The following ING3 variants were observed in gnomAD, a reference collection of about 807,000 sequenced individuals.
The protein encoded by ING3 is inhibitor of growth family member 3.
Under a neutral mutation model 64.8 loss-of-function variants are expected in ING3, and 6 were observed. That is an observed-to-expected ratio of 0.09 (90% CI 0.05 to 0.18). The LOEUF is 0.18. Ranked by LOEUF, ING3 falls within the 10% of genes least tolerant of loss-of-function variation. The pLI is 1.00. For missense variants in ING3, 310 were observed against 489.7 expected (o/e 0.63, Z 3.46); for synonymous variants, 170 against 173.7 (o/e 0.98, Z 0.17).
intron 2 of ING3, 152 bp from the exon 3 acceptor site, chr7:120,953,152 A>G: frequency 2.2e-6 from 1 of 454,380 alleles, no homozygotes; most frequent in Non-Finnish European, 4.0e-6. Context: ...TTGAGGCATT[A>G]TATATTTACA....
At chr7:120,956,749 G>A in intron 4 of ING3, 1 of 975,198 alleles carries the variant, frequency 1.0e-6, no homozygotes, top group South Asian at 4.7e-5. Flanking sequence ...TTAGAAAAAG[G>A]CATTTACATT....
intron 10 of ING3, among the ~76,000 whole-genome samples, chr7:120,971,440 C>T (rs746221750): frequency 1.3e-5 from 2 of 152,174 alleles, no homozygotes; most frequent in Non-Finnish European, 2.9e-5. Context: ...ATTATAGTCA[C>T]GTTGGGGGTT....
At position 120,975,635 on chromosome 7, in the gene ING3, A is replaced by G. The variant is rs1426927214; in HGVS notation, c.*791A>G. 3.3e-5 allele frequency: 5 copies of G among 152,162 alleles called. No individual in the cohort carries two copies. The highest frequency in any genetic ancestry group is 1.2e-4 in the African/African-American group (5 of 41,442). 9.4% of individuals were successfully genotyped at this position (152,162 alleles called of 1,614,324 possible). On this transcript the variant is annotated 3_prime_UTR_variant, in exon 12 of 12. Transcript: ENST00000315870. ...TAAAATTGCAATTGTATTAGGTGTT[A>G]AAATAAAGTTTTTAAAAAATTACTT...
intron 3 of ING3, among the ~76,000 whole-genome samples, 155 bp from the exon 4 acceptor site, chr7:120,955,404 G>A (rs1408638676): frequency 6.6e-6 from 1 of 152,164 alleles, no homozygotes; most frequent in Non-Finnish European, 1.5e-5. Context: ...GATTACAGGC[G>A]TGAGCCACTG....
intron 2 of ING3, 84 bp from the exon 3 acceptor site, chr7:120,953,220 A>AT (rs1795793593): frequency 6.9e-6 from 5 of 725,870 alleles, no homozygotes; most frequent in Admixed American, 2.9e-5. Flanking sequence ...GTATTGTCAG[A>AT]TTTTTTCCCT....
chr7:120,953,531 A>G (rs746878796), intron 3 of ING3, 127 bp downstream of exon 3: 20 of 598,686 alleles, frequency 3.3e-5, no homozygotes, highest in Non-Finnish European at 4.1e-5. Context: ...TAGAATATAA[A>G]TAATTTATTG....
chr7:120,955,198 C>T (rs531834109), intron 3 of ING3, among the ~76,000 whole-genome samples: 168 of 152,232 alleles, frequency 1.1e-3, no homozygotes, highest in African/African-American at 3.9e-3. Context: ...GGCCCAATCT[C>T]GGCTCACTGC....
rs373001992 is a variant in ING3 at position 120,968,085 on chromosome 7, A to G, written c.708A>G (p.Thr236=). 1.1e-4 allele frequency: 176 copies of G among 1,613,302 alleles called. No individual in the cohort carries two copies. The highest frequency in any genetic ancestry group is 1.4e-4 in the Non-Finnish European group (165 of 1,179,782). Reference sequence around the variant, plus strand: ...CAGCTGCTCAAGCAGTTCAGGCTACAGCTCAGGTAAAAAGTAAAGGGTTTA... The same window carrying G: ...CAGCTGCTCAAGCAGTTCAGGCTACGGCTCAGGTAAAAAGTAAAGGGTTTA... ...TMAAAQAVQA[T]AQMKEGRRTS... Residue 236 remains threonine, a synonymous_variant, in exon 8 of 12, where the codon ACA becomes ACG. Coordinates refer to ENST00000315870, the MANE Select transcript of ING3 (RefSeq NM_019071.3).
At chr7:120,964,576 A>C (rs1795974377) in intron 4 of ING3, among the ~76,000 whole-genome samples, 166 bp from the exon 5 acceptor site, 1 of 152,140 alleles carries the variant, frequency 6.6e-6, no homozygotes, top group Admixed American at 6.5e-5. Context: ...TTAGCCTAAC[A>C]CCCTCATTTT....
At chr7:120,965,784 C>G (rs1004658223) in intron 5 of ING3, among the ~76,000 whole-genome samples, 5 of 152,134 alleles carry the variant, frequency 3.3e-5, no homozygotes, top group African/African-American at 1.2e-4. Context: ...AGATCCATCA[C>G]TTTAGATAAT....
intron 3 of ING3, 59 bp downstream of exon 3, chr7:120,953,463 T>C (rs1795797999): frequency 1.0e-6 from 1 of 1,003,172 alleles, no homozygotes; most frequent in Non-Finnish European, 1.5e-6. Flanking sequence ...GAAAAAGATA[T>C]TTCAAAATTA....
At chr7:120,951,026 G>A in intron 1 of ING3, 102 bp downstream of exon 1, 2 of 1,474,048 alleles carry the variant, frequency 1.4e-6, no homozygotes, top group Non-Finnish European at 1.9e-6. Flanking sequence ...GGCGGCGGGG[G>A]ATGTTTCTTT....
intron 7 of ING3, 73 bp from the exon 8 acceptor site, chr7:120,967,861 A>G (rs1796016263): frequency 6.8e-7 from 1 of 1,471,154 alleles, no homozygotes; most frequent in South Asian, 1.2e-5. Context: ...CTGTGCTGGG[A>G]AATAATGTAA....
In ING3 at chr7:120,967,539, T is replaced by C. The variant is rs112109589; in HGVS notation, c.447T>C (p.Tyr149=). 4.4e-4 allele frequency: 683 copies of C among 1,547,670 alleles called. 3 individuals are homozygous for C. The African/African-American group carries it at 7.6e-3, about 17-fold the overall frequency. Residue 149 remains tyrosine (Y), a synonymous_variant, in exon 7 of 12, where the codon TAT becomes TAC. Coordinates refer to ENST00000315870, the MANE Select transcript of ING3 (RefSeq NM_019071.3). The stretch of plus-strand genomic sequence containing the variant: ...TTTATTTATATTTAGAAAGGAAATA[T>C]AATCCAACTTCTCACCATACGACAA... ...HSHTPVEKRK[Y]NPTSHHTTTD...
At chr7:120,956,087 C>T (rs374068997) in intron 4 of ING3, 11 of 951,170 alleles carry the variant, frequency 1.2e-5, no homozygotes, top group African/African-American at 9.7e-5. Flanking sequence ...GTTAAAAGAT[C>T]GTATGTAACA....
At chr7:120,971,399 C>T (rs1156556299) in intron 10 of ING3, among the ~76,000 whole-genome samples, 1 of 152,170 alleles carries the variant, frequency 6.6e-6, no homozygotes, top group African/African-American at 2.4e-5. Flanking sequence ...CTCATTTAAC[C>T]TTTACCACCT....
chr7:120,967,804 G>T, intron 7 of ING3, 130 bp from the exon 8 acceptor site: 1 of 1,226,490 alleles, frequency 8.2e-7, no homozygotes, highest in East Asian at 2.3e-5. Flanking sequence ...ACATTATTCA[G>T]TTGACTTAAT....
At chr7:120,951,074 C>T (rs1343979096) in intron 1 of ING3, 90 bp from the exon 2 acceptor site, 2 of 1,526,984 alleles carry the variant, frequency 1.3e-6, no homozygotes, top group South Asian at 1.1e-5. Flanking sequence ...GGCTGCCGGC[C>T]CCCTCGACCC....
At chr7:120,953,057 T>C (rs1285775456) in intron 2 of ING3, among the ~76,000 whole-genome samples, 4 of 152,264 alleles carry the variant, frequency 2.6e-5, no homozygotes, top group African/African-American at 9.6e-5. Context: ...GCCTATCTAC[T>C]TTGGCTGTTG....
Sources: gnomAD v4.1 joint callset for allele counts (sites outside exome capture counted in the v4.1 genomes callset) on GRCh38, gnomAD v4.1.1 for gene constraint, MANE v1.5 for transcripts, NCBI Gene and HGNC (gene_info 2026-07-23, HGNC 2026-07-21) for gene names.